The following CCDC102B variants were observed in gnomAD, a reference collection of about 807,000 sequenced individuals.
CCDC102B encodes the protein coiled-coil domain containing 102B.
A neutral mutation model predicts 57.4 loss-of-function variants in CCDC102B; 75 were observed. That is an observed-to-expected ratio of 1.31 (90% CI 1.08 to 1.58). The LOEUF is 1.58. Among genes scored for constraint, CCDC102B ranks in the 40% most tolerant of loss-of-function variants. CCDC102B has a pLI of 0.00. For missense variants in CCDC102B, 636 were observed against 582.6 expected (o/e 1.09, Z -0.94); for synonymous variants, 206 against 201.9 (o/e 1.02, Z -0.17).
chr18:68,784,438 C>G (rs895032994), intron 2 of CCDC102B, among the ~76,000 whole-genome samples: 5 of 151,974 alleles, frequency 3.3e-5, no homozygotes, highest in Non-Finnish European at 5.9e-5. Context: ...CAGTCACCTC[C>G]CATCAAACCT....
chr18:69,042,969 G>A (rs1466728418), intron 7 of CCDC102B, among the ~76,000 whole-genome samples: 1 of 152,020 alleles, frequency 6.6e-6, no homozygotes, highest in Non-Finnish European at 1.5e-5. Context: ...TGGACCCGGG[G>A]AACCAGCGTT....
chr18:68,884,313 A>G (rs1179263771), intron 5 of CCDC102B, among the ~76,000 whole-genome samples: 1 of 152,220 alleles, frequency 6.6e-6, no homozygotes, highest in African/African-American at 2.4e-5. Flanking sequence ...AAGTATATAC[A>G]ATGGAATATG....
At chr18:68,980,395 GA>G (rs200646247) in intron 6 of CCDC102B, among the ~76,000 whole-genome samples, 10,327 of 132,258 alleles carry the variant, frequency 0.078, 592 homozygotes, top group African/African-American at 0.16. Context: ...AGGTCTTGGT[GA>G]AAAAAAAAAA....
intron 4 of CCDC102B, among the ~76,000 whole-genome samples, chr18:68,852,700 A>G (rs2038186787): frequency 6.6e-6 from 1 of 152,086 alleles, no homozygotes; most frequent in African/African-American, 2.4e-5. Context: ...TATTTAACTT[A>G]CTGTTTATAT....
intron 7 of CCDC102B, among the ~76,000 whole-genome samples, chr18:69,016,835 T>G (rs1306312029): frequency 6.6e-6 from 1 of 152,146 alleles, no homozygotes; most frequent in African/African-American, 2.4e-5. Flanking sequence ...GAAAAAAGTT[T>G]TCTAAGTGGA....
chr18:68,917,633 A>G (rs1311834327), intron 6 of CCDC102B, among the ~76,000 whole-genome samples: 7 of 152,142 alleles, frequency 4.6e-5, no homozygotes, highest in Non-Finnish European at 1.0e-4. Context: ...TTTTTGGTGT[A>G]TCTAATGAAA....
At chr18:69,017,238 C>G (rs1411211919) in intron 7 of CCDC102B, among the ~76,000 whole-genome samples, 1 of 152,080 alleles carries the variant, frequency 6.6e-6, no homozygotes, top group Admixed American at 6.5e-5. Context: ...ACCTCAGCCC[C>G]GCAAATAGCT....
At chr18:68,927,523 G>A (rs1211151948) in intron 6 of CCDC102B, among the ~76,000 whole-genome samples, 1 of 151,774 alleles carries the variant, frequency 6.6e-6, no homozygotes. Context: ...CATTATATTG[G>A]GTAGAAATTT....
chr18:68,778,448 A>C (rs1220664796), intron 2 of CCDC102B, among the ~76,000 whole-genome samples: 1 of 152,064 alleles, frequency 6.6e-6, no homozygotes, highest in Non-Finnish European at 1.5e-5. Context: ...GTTTTATGTG[A>C]GATGTACCCG....
chr18:68,960,767 G>T (rs932511048), intron 6 of CCDC102B, among the ~76,000 whole-genome samples: 4 of 152,176 alleles, frequency 2.6e-5, no homozygotes, highest in African/African-American at 9.7e-5. Context: ...TTTGCTTGTT[G>T]TAGCTTTGCA....
chr18:68,909,596 C>A (rs981644436), intron 6 of CCDC102B, among the ~76,000 whole-genome samples: 2 of 151,928 alleles, frequency 1.3e-5, no homozygotes, highest in Non-Finnish European at 2.9e-5. Context: ...TAGGAATAGA[C>A]CAGGGATGAA....
intron 7 of CCDC102B, among the ~76,000 whole-genome samples, chr18:69,023,624 G>C (rs2051907425): frequency 6.6e-6 from 1 of 151,878 alleles, no homozygotes; most frequent in Admixed American, 6.6e-5. Flanking sequence ...ATTAGGTACT[G>C]TAATTACAGG....
At chr18:68,797,957 T>C (rs2035690536), upstream of CCDC102B, 1 of 152,078 alleles carries the variant, frequency 6.6e-6, no homozygotes, top group South Asian at 2.1e-4. Flanking sequence ...TTTATTTTGG[T>C]TGGCTCAATG....
At chr18:68,956,093 G>A (rs1249305992) in intron 6 of CCDC102B, among the ~76,000 whole-genome samples, 7 of 150,848 alleles carry the variant, frequency 4.6e-5, no homozygotes, top group East Asian at 2.0e-4. Context: ...GGCTTGTTTC[G>A]CTTAACAAAA....
rs1419102976 is a variant in CCDC102B, at chr18:68,838,890, T to G, written c.791T>G (p.Leu264Trp). ...GAAATTTCAGCTTTGCAGGTGCATT[T>G]GGATGAATTCCAAAAAATCTTATGG... ...VTEISALQVH[L>W]DEFQKILWKE... Residue 264 changes from leucine (L) to tryptophan (W), a missense_variant, in exon 3 of 8, where the codon TTG (leucine) becomes TGG (tryptophan). By Grantham distance (61) the Leu-to-Trp change is moderately conservative. Coordinates refer to ENST00000360242, the MANE Select transcript of CCDC102B (RefSeq NM_024781.3). 3 of 1,613,844 alleles carry G rather than the reference T, an allele frequency of 1.9e-6. No homozygotes were observed. The highest frequency in any genetic ancestry group is 2.7e-5 in the African/African-American group (2 of 74,916).
chr18:68,954,194 C>T (rs908181776), intron 6 of CCDC102B, among the ~76,000 whole-genome samples: 1 of 151,970 alleles, frequency 6.6e-6, no homozygotes, highest in Non-Finnish European at 1.5e-5. Flanking sequence ...CCAAGGCGGG[C>T]GGATCACCTG....
chr18:68,774,738 T>C (rs1293618437), intron 2 of CCDC102B, among the ~76,000 whole-genome samples: 1 of 152,026 alleles, frequency 6.6e-6, no homozygotes, highest in Non-Finnish European at 1.5e-5. Flanking sequence ...ATTTTTAATG[T>C]AATTTTACAT....
At position 68,738,587 on chromosome 18, in the gene CCDC102B, G is replaced by A. The variant is rs543392684; in HGVS notation, c.-67+21993G>A. ...CCCTTTGCCAAAAGAATCTCTTGCC[G>A]TTGGACCCATGCATCTCTGCCACGA... On this transcript the variant is annotated intron_variant, in intron 2 of 3. Transcript: ENST00000578970. Among the ~76,000 whole-genome samples the A allele has an allele frequency of 7.9e-5, 12 of 152,268 alleles. No individual in the cohort carries two copies. The East Asian group carries it at 1.2e-3, about 15-fold the overall frequency.
intron 1 of CCDC102B, among the ~76,000 whole-genome samples, chr18:68,818,006 A>G (rs1193734905): frequency 2.0e-5 from 3 of 152,192 alleles, no homozygotes; most frequent in African/African-American, 7.2e-5. Flanking sequence ...TTCATTATAT[A>G]TGTTATATAT....
Sources: gnomAD v4.1 joint callset for allele counts (sites outside exome capture counted in the v4.1 genomes callset) on GRCh38, gnomAD v4.1.1 for gene constraint, MANE v1.5 for transcripts, NCBI Gene and HGNC (gene_info 2026-07-23, HGNC 2026-07-21) for gene names.